The following SLC12A4 variants were observed in gnomAD, a reference collection of about 807,000 sequenced individuals.
The protein encoded by SLC12A4 is solute carrier family 12 member 4.
A neutral mutation model predicts 119.2 loss-of-function variants in SLC12A4; 84 were observed. The observed-to-expected ratio is 0.70, with a 90% CI of 0.59 to 0.85. The LOEUF (loss-of-function observed/expected upper bound fraction) is 0.85, where lower values mean the gene tolerates loss of function less well. Among genes scored for constraint, SLC12A4 ranks in the 40% least tolerant of loss-of-function variants. SLC12A4 has a pLI of 0.00. For synonymous variants in SLC12A4, 599 were observed against 604.6 expected (o/e 0.99, Z 0.14); for missense variants, 1,298 against 1,476.3 (o/e 0.88, Z 1.98).
intron 1 of SLC12A4, 46 bp downstream of exon 1, chr16:67,968,393 G>A: frequency 6.7e-7 from 1 of 1,495,220 alleles, no homozygotes; most frequent in Non-Finnish European, 8.9e-7. Context: ...GGCCCCGGGT[G>A]GCAGGCCCCG....
chr16:67,946,156 C>G lies in SLC12A4; in HGVS notation c.2607+15G>C, dbSNP rs755587087. The G allele has an allele frequency of 1.1e-5, 18 of 1,613,606 alleles. No individual in the cohort carries two copies. The East Asian group carries it at 4.0e-4, about 36-fold the overall frequency. Reference sequence around the variant, plus strand: ...GGGCCTAGCCCCTCTCATCTGCACCCACCCCCTGGTCTACCTTATGCTGGC... The same window carrying G: ...GGGCCTAGCCCCTCTCATCTGCACCGACCCCCTGGTCTACCTTATGCTGGC... On this transcript the variant is annotated intron_variant, in intron 19 of 23. Transcript: ENST00000316341.
intron 5 of SLC12A4, 34 bp from the exon 6 acceptor site, chr16:67,954,807 A>C: frequency 6.2e-7 from 1 of 1,612,940 alleles, no homozygotes; most frequent in Non-Finnish European, 8.5e-7. Context: ...GCACAGGTCA[A>C]GGCTGGTTCT....
In SLC12A4 at chr16:67,944,327, G is replaced by T. The variant is rs548113376; in HGVS notation, c.*513C>A. 5.0e-6 allele frequency: 7 copies of T among 1,403,540 alleles called. No homozygotes were observed. In the Admixed American group the frequency reaches 1.8e-4, roughly 35 times the overall value. The allele number at this position is 1,403,540 out of a possible 1,614,324, so 86.9% of individuals were successfully genotyped here. ...GGAAACAGAGCCGGGGCAGCAGGAG[G>T]CCCAGAACTACACAATGTTTTATTG... On this transcript the variant is annotated 3_prime_UTR_variant, in exon 24 of 24. Coordinates refer to ENST00000316341, the MANE Select transcript of SLC12A4 (RefSeq NM_005072.5). The surrounding 1 kb of genome is among the most constrained non-coding windows in gnomAD (Gnocchi z 6.6).
At chr16:67,955,342 A>T (rs1275106180) in intron 5 of SLC12A4, among the ~76,000 whole-genome samples, 2 of 152,266 alleles carry the variant, frequency 1.3e-5, no homozygotes, top group Non-Finnish European at 2.9e-5. Flanking sequence ...GGGGGACAAG[A>T]GTCATCTCAT....
intron 2 of SLC12A4, chr16:67,962,707 G>A (rs1794260115): frequency 6.6e-6 from 1 of 152,192 alleles, no homozygotes; most frequent in African/African-American, 2.4e-5. Context: ...GCATGTGGTG[G>A]GCACCTGTAA....
Position 67,945,966 on chromosome 16 carries a change from C to T in SLC12A4, c.2724G>A (p.Val908=). 1.2e-6 allele frequency: 2 copies of T among 1,613,706 alleles called. No homozygotes were observed. The highest frequency in any genetic ancestry group is 1.7e-6 in the Non-Finnish European group (2 of 1,179,694). The part of the protein sequence containing the change: ...FLYHLRLEAE[V]EVVEMHNSDI... ...GAGGGCTCACCATCTCCACCACCTC[C>T]ACCTCGGCCTCAAGGCGCAGATGGT... The change falls in exon 20 of 24, where the codon GTG becomes GTA. Residue 908 remains valine (V), a synonymous_variant. Transcript: ENST00000316341.
chr16:67,948,224 T>C, intron 13 of SLC12A4, 65 bp from the exon 14 acceptor site: 1 of 1,514,016 alleles, frequency 6.6e-7, no homozygotes, highest in Non-Finnish European at 9.2e-7. Context: ...GATGTCAGGC[T>C]GGGCCTGGCC....
At chr16:67,947,861 G>C (rs2058370288) in intron 14 of SLC12A4, 73 bp from the exon 15 acceptor site, 1 of 1,528,764 alleles carries the variant, frequency 6.5e-7, no homozygotes, top group Non-Finnish European at 8.8e-7. Flanking sequence ...CCATGCCCTG[G>C]TAGCCCTGTC....
intron 23 of SLC12A4, 72 bp from the exon 24 acceptor site, chr16:67,945,003 C>T (rs1453407880): frequency 6.2e-7 from 1 of 1,606,416 alleles, no homozygotes; most frequent in Non-Finnish European, 8.5e-7. Flanking sequence ...CCATGCCCAC[C>T]CAGGGGTGCC....
Position 67,950,208 on chromosome 16 carries a change from C to A in SLC12A4, c.1629+111G>T, listed in dbSNP as rs1344363336. The A allele has an allele frequency of 3.0e-6, 4 of 1,336,498 alleles. No homozygotes were observed. Among genetic ancestry groups the A allele is most frequent in the Non-Finnish European group, 4.1e-6 (4 of 981,218 alleles). 82.8% of individuals were successfully genotyped at this position (1,336,498 alleles called of 1,614,324 possible). On this transcript the variant is annotated intron_variant, in intron 12 of 23. Transcript: ENST00000316341. This position sits in a 1 kb window ranked among gnomAD's most constrained non-coding sequence, Gnocchi z 4.3. The stretch of plus-strand genomic sequence containing the variant: ...AGCTCCTCATGGATGGCCGCCTGGC[C>A]CCGGGGGCCAATAAGGGCAGGACGT...
intron 6 of SLC12A4, chr16:67,954,180 G>A (rs947753551): frequency 5.1e-6 from 2 of 393,994 alleles, no homozygotes; most frequent in African/African-American, 2.1e-5. Context: ...GGCTCGTGGA[G>A]GGAGCGCCGA....
In SLC12A4 at chr16:67,944,100, A is replaced by C; in HGVS notation, c.*740T>G. The C allele has an allele frequency of 6.5e-7, 1 of 1,547,404 alleles. No homozygotes were observed. The highest frequency in any genetic ancestry group is 8.7e-7 in the Non-Finnish European group (1 of 1,145,982). On this transcript the variant is annotated 3_prime_UTR_variant, in exon 24 of 24. Coordinates refer to ENST00000316341, the MANE Select transcript of SLC12A4 (RefSeq NM_005072.5). This position sits in a 1 kb window ranked among gnomAD's most constrained non-coding sequence, Gnocchi z 6.6. ...CTGCCATGGGGAGCCGGGCGGCCCC[A>C]TTCCAGCCCTGGTGCCTACTGCCAG...
Position 67,944,090 on chromosome 16 carries a change from G to T in SLC12A4, c.*750C>A. 2 of 1,547,794 alleles carry T rather than the reference G, an allele frequency of 1.3e-6. No individual in the cohort carries two copies. The highest frequency in any genetic ancestry group is 1.7e-6 in the Non-Finnish European group (2 of 1,146,240). ...GCGTCACCCACTGCCATGGGGAGCC[G>T]GGCGGCCCCATTCCAGCCCTGGTGC... On this transcript the variant is annotated 3_prime_UTR_variant, in exon 24 of 24. Transcript: ENST00000316341. The surrounding 1 kb of genome is among the most constrained non-coding windows in gnomAD (Gnocchi z 6.6).
chr16:67,963,784 A>G lies in SLC12A4; in HGVS notation c.116-225T>C. 3.5e-6 allele frequency: 4 copies of G among 1,138,478 alleles called. No homozygotes were observed. The South Asian group carries it at 4.7e-5, about 13-fold the overall frequency. The allele number at this position is 1,138,478 out of a possible 1,614,324, so 70.5% of individuals were successfully genotyped here. Reference sequence around the variant, plus strand: ...ACCTGGGACATCATTCCCTCCAGTGAAGGGAATCCAGGTGAGGGCGCAGGC... The same window carrying G: ...ACCTGGGACATCATTCCCTCCAGTGGAGGGAATCCAGGTGAGGGCGCAGGC... On this transcript the variant is annotated intron_variant, in intron 1 of 23. Transcript: ENST00000316341.
In SLC12A4 at chr16:67,947,432, A is replaced by G. The variant is rs900371843; in HGVS notation, c.1971T>C (p.Ala657=). ...MIYKYIEYQG[A]EKEWGDGIRG... ...GGATCCCGTCACCCCACTCCTTCTC[A>G]GCCCTGCAGATTCCACCACAGCTGG... Residue 657 remains alanine, a synonymous_variant, in exon 16 of 24, where the codon GCT becomes GCC. Coordinates refer to ENST00000316341, the MANE Select transcript of SLC12A4 (RefSeq NM_005072.5). 5 of 1,611,404 alleles carry G rather than the reference A, an allele frequency of 3.1e-6. No homozygotes were observed. The highest frequency in any genetic ancestry group is 4.2e-6 in the Non-Finnish European group (5 of 1,179,228).
Position 67,963,477 on chromosome 16 carries a change from C to T in SLC12A4, c.198G>A (p.Leu66=), listed in dbSNP as rs758099913. 2 of 1,578,738 alleles carry T rather than the reference C, an allele frequency of 1.3e-6. No individual in the cohort carries two copies. The highest frequency in any genetic ancestry group is 4.1e-5 in the Admixed American group (2 of 48,402). The stretch of plus-strand genomic sequence containing the variant: ...GCTCCTCAGCTACCTCAAACAGTGC[C>T]AGGTTCCTGTCATAGTAGTCAATTC... ...SRGIDYYDRN[L]ALFEEELDIR... The change falls in exon 2 of 24, where the codon CTG becomes CTA. Residue 66 remains leucine, a synonymous_variant. Coordinates refer to ENST00000316341, the MANE Select transcript of SLC12A4 (RefSeq NM_005072.5).
chr16:67,954,095 G>A, intron 6 of SLC12A4: 1 of 384,986 alleles, frequency 2.6e-6, no homozygotes, highest in Non-Finnish European at 5.3e-6. Context: ...GCCTCCCGCA[G>A]CTCCTTGCCT....
In SLC12A4 at chr16:67,950,908, G is replaced by C; in HGVS notation, c.1396+54C>G. ...TGCATGTGACCTGGCAACGTACACAGGCCAAGCGCTTCCCGTCCTCTGCCC... is the reference window on the plus strand; with the variant it reads ...TGCATGTGACCTGGCAACGTACACACGCCAAGCGCTTCCCGTCCTCTGCCC... On this transcript the variant is annotated intron_variant, in intron 10 of 23. Coordinates refer to ENST00000316341, the MANE Select transcript of SLC12A4 (RefSeq NM_005072.5). The surrounding 1 kb of genome is among the most constrained non-coding windows in gnomAD (Gnocchi z 4.3). The C allele has an allele frequency of 6.3e-7, 1 of 1,582,182 alleles. No individual in the cohort carries two copies. Among genetic ancestry groups the C allele is most frequent in the Non-Finnish European group, 8.7e-7 (1 of 1,153,418 alleles).
chr16:67,956,875 C>T (rs1397326867), intron 5 of SLC12A4, among the ~76,000 whole-genome samples: 2 of 151,328 alleles, frequency 1.3e-5, no homozygotes, highest in African/African-American at 2.4e-5. Context: ...ATAGAGTGTG[C>T]GTGTGCAATA....
Sources: allele counts gnomAD v4.1 joint callset (sites outside exome capture counted in the v4.1 genomes callset), GRCh38; gene constraint gnomAD v4.1.1; non-coding constraint Gnocchi (gnomAD v3.1); transcripts MANE v1.5; gene names NCBI Gene and HGNC (gene_info 2026-07-23, HGNC 2026-07-21).